Variants in PTPRN2 observed in about 807,000 individuals in gnomAD.
PTPRN2 encodes the protein protein tyrosine phosphatase receptor type N2.
In PTPRN2, 74 loss-of-function variants were observed where a neutral mutation model predicts 118.8. That is an observed-to-expected ratio of 0.62 (90% CI 0.52 to 0.76). PTPRN2 has a LOEUF of 0.76. Ranked by LOEUF, PTPRN2 falls within the 30% of genes least tolerant of loss-of-function variation. The probability of loss-of-function intolerance (pLI) is 0.00; values close to 1 mark genes in which losing one functional copy is unlikely to be tolerated. For synonymous variants in PTPRN2, 641 were observed against 608.0 expected, an observed-to-expected ratio of 1.05 and a Z score of -0.80; for missense variants, 1,481 against 1,394.4, an observed-to-expected ratio of 1.06 and a Z score of -0.99.
At chr7:157,957,156 C>T (rs1316629727) in intron 11 of PTPRN2, among the ~76,000 whole-genome samples, 2 of 152,212 alleles carry the variant, frequency 1.3e-5, no homozygotes, top group African/African-American at 4.8e-5. Context: ...CCCACTGTTA[C>T]TCTAGAGCAG....
chr7:157,664,356 A>G (rs905030899), intron 13 of PTPRN2, among the ~76,000 whole-genome samples: 6 of 152,220 alleles, frequency 3.9e-5, no homozygotes, highest in Non-Finnish European at 8.8e-5. Flanking sequence ...ACCTGCGTTC[A>G]TTATCAGACT....
intron 14 of PTPRN2, among the ~76,000 whole-genome samples, chr7:157,642,185 T>A (rs1281819912): frequency 1.3e-5 from 2 of 152,214 alleles, no homozygotes; most frequent in African/African-American, 4.8e-5. Flanking sequence ...CACCCCCTTT[T>A]GCCCCAAATT....
chr7:158,524,753 G>A (rs1824642223), intron 1 of PTPRN2, among the ~76,000 whole-genome samples: 3 of 152,128 alleles, frequency 2.0e-5, no homozygotes, highest in South Asian at 2.1e-4. Flanking sequence ...CCCCACTTAC[G>A]CCAAAATCTT....
intron 1 of PTPRN2, among the ~76,000 whole-genome samples, chr7:158,575,712 A>G (rs748051442): frequency 3.3e-5 from 5 of 152,196 alleles, no homozygotes; most frequent in Admixed American, 3.3e-4. Context: ...TGGAGGATAC[A>G]AGAGGCATAA....
intron 3 of PTPRN2, among the ~76,000 whole-genome samples, chr7:158,313,352 G>C (rs143197249): frequency 1.3e-5 from 2 of 152,308 alleles, no homozygotes; most frequent in African/African-American, 4.8e-5. Flanking sequence ...AGCTGGGAAG[G>C]TGTCAGCAAT....
intron 11 of PTPRN2, among the ~76,000 whole-genome samples, chr7:157,950,839 T>G (rs913060738): frequency 6.6e-6 from 1 of 152,156 alleles, no homozygotes; most frequent in Non-Finnish European, 1.5e-5. Flanking sequence ...GAAAGTGAGG[T>G]GCAGACGCGG....
chr7:158,076,578 A>G (rs951281947), intron 11 of PTPRN2, among the ~76,000 whole-genome samples: 1 of 152,214 alleles, frequency 6.6e-6, no homozygotes, highest in African/African-American at 2.4e-5. Context: ...CTGAAGATGA[A>G]GTTCCCACAC....
intron 11 of PTPRN2, among the ~76,000 whole-genome samples, chr7:157,962,712 G>T (rs562397472): frequency 6.6e-6 from 1 of 152,258 alleles, no homozygotes; most frequent in African/African-American, 2.4e-5. Flanking sequence ...GCATAGGAAG[G>T]GTTCGTGACA....
intron 12 of PTPRN2, among the ~76,000 whole-genome samples, chr7:157,843,748 G>A (rs935850970): frequency 1.3e-5 from 2 of 152,232 alleles, no homozygotes; most frequent in African/African-American, 4.8e-5. Context: ...ACGGTTCTAT[G>A]ATTCACACTC....
Position 157,570,511 on chromosome 7 carries a change from A to G in PTPRN2, c.2837+929T>C, listed in dbSNP as rs371573491. ...ATTCCAGGCAGGAAGAACATTCTAT[A>G]AGACAGTTCTAGAAAAATGGAATAT... On this transcript the variant is annotated intron_variant, in intron 20 of 22. Coordinates refer to ENST00000389418, the MANE Select transcript of PTPRN2 (RefSeq NM_002847.5). Among the ~76,000 whole-genome samples the G allele has an allele frequency of 3.3e-5, 5 of 152,336 alleles. No individual in the cohort carries two copies. In the South Asian group the frequency reaches 1.0e-3, roughly 32 times the overall value.
In PTPRN2 at chr7:157,779,945, C is replaced by G. The variant is rs927615643; in HGVS notation, c.1789-97008G>C. Among the ~76,000 whole-genome samples the G allele has an allele frequency of 6.6e-6, 1 of 152,190 alleles. No individual in the cohort carries two copies. The highest frequency in any genetic ancestry group is 2.4e-5 in the African/African-American group (1 of 41,440). Reference sequence around the variant, plus strand: ...CGAGGAATGGAAAACTCTCAGACTGCTGTGTCCACACGGGTTAATAAAAAT... The same window carrying G: ...CGAGGAATGGAAAACTCTCAGACTGGTGTGTCCACACGGGTTAATAAAAAT... On this transcript the variant is annotated intron_variant, in intron 12 of 22. Transcript: ENST00000389418. The surrounding 1 kb of genome is among the most constrained non-coding windows in gnomAD (Gnocchi z 4.7).
Position 157,787,543 on chromosome 7 carries a change from G to C in PTPRN2, c.1789-104606C>G, listed in dbSNP as rs1804143677. Among the ~76,000 whole-genome samples, 1 of 152,194 alleles carries C rather than the reference G, an allele frequency of 6.6e-6. No homozygotes were observed. Among genetic ancestry groups the C allele is most frequent in the East Asian group, 1.9e-4 (1 of 5,184 alleles). On this transcript the variant is annotated intron_variant, in intron 12 of 22. Transcript: ENST00000389418. The surrounding 1 kb of genome is among the most constrained non-coding windows in gnomAD (Gnocchi z 5.3). ...GGAGAGCCCCTGGGCCTCACGTCCT[G>C]CTTCTCTCCTTGTCCTTCATGTCTT...
intron 11 of PTPRN2, among the ~76,000 whole-genome samples, chr7:157,982,885 C>T (rs1803408589): frequency 6.8e-6 from 1 of 146,130 alleles, no homozygotes; most frequent in Admixed American, 6.8e-5. Flanking sequence ...CCCCCTAAAC[C>T]CCGAGTCACA....
At chr7:157,707,866 G>C (rs1381500205) in intron 12 of PTPRN2, among the ~76,000 whole-genome samples, 2 of 152,258 alleles carry the variant, frequency 1.3e-5, no homozygotes, top group Admixed American at 6.5e-5. Flanking sequence ...TGGGATTACA[G>C]GCGTGAGCCA....
intron 12 of PTPRN2, among the ~76,000 whole-genome samples, chr7:157,724,861 C>T (rs1799438261): frequency 6.6e-6 from 1 of 152,192 alleles, no homozygotes; most frequent in South Asian, 2.1e-4. Flanking sequence ...TTCCATGAAT[C>T]ATGCTTCTTC....
chr7:158,570,000 G>A (rs1827912074), intron 1 of PTPRN2, among the ~76,000 whole-genome samples: 1 of 152,194 alleles, frequency 6.6e-6, no homozygotes. Flanking sequence ...GGGGAGCCCA[G>A]AGCCCACGCG....
intron 11 of PTPRN2, among the ~76,000 whole-genome samples, chr7:158,070,994 G>C (rs1811367608): frequency 7.9e-6 from 1 of 125,962 alleles, no homozygotes; most frequent in Non-Finnish European, 1.7e-5. Flanking sequence ...TGGTGGTGGA[G>C]GTGCTCATGG....
Position 158,171,306 on chromosome 7 carries a change from C to CTCAT in PTPRN2, c.550-4016_550-4015insATGA, listed in dbSNP as rs1823644350. Among the ~76,000 whole-genome samples the CTCAT allele has an allele frequency of 6.0e-5, 2 of 33,426 alleles. 1 individual carries two copies. Among genetic ancestry groups the CTCAT allele is most frequent in the Admixed American group, 9.0e-4 (2 of 2,230 alleles). The allele number at this position is 33,426 out of a possible 152,430, so 21.9% of individuals were successfully genotyped here. A position where few individuals can be genotyped will look rare whatever the true frequency, so the allele number is the denominator to read the frequency against. On this transcript the variant is annotated intron_variant, in intron 5 of 22. Transcript: ENST00000389418. Reference sequence around the variant, plus strand: ...ATATATATACACACATATATATACACACATATATATATATATATATATATA... The same window carrying CTCAT: ...ATATATATACACACATATATATACACTCATACATATATATATATATATATATATA...
chr7:157,901,053 G>C (rs1305368604), intron 11 of PTPRN2, among the ~76,000 whole-genome samples: 4 of 152,228 alleles, frequency 2.6e-5, no homozygotes, highest in African/African-American at 9.6e-5. Flanking sequence ...GCTTCCACTT[G>C]CAGTGGAAGG....
Sources: allele counts gnomAD v4.1 joint callset (sites outside exome capture counted in the v4.1 genomes callset), GRCh38; gene constraint gnomAD v4.1.1; non-coding constraint Gnocchi (gnomAD v3.1); transcripts MANE v1.5; gene names NCBI Gene and HGNC (gene_info 2026-07-23, HGNC 2026-07-21).